RBMS3: variants seen among roughly 807,000 people sequenced by gnomAD.
RBMS3 encodes the protein RNA-binding motif, single-stranded-interacting protein 3.
RBMS3 carries 27 observed loss-of-function variants against 66.8 expected under a neutral mutation model. The observed-to-expected ratio is 0.40, with a 90% CI of 0.30 to 0.56. The LOEUF is 0.56. Among genes scored for constraint, RBMS3 ranks in the 20% least tolerant of loss-of-function variants. RBMS3 has a pLI of 0.40. For missense variants in RBMS3, 513 were observed against 549.5 expected (o/e 0.93, Z 0.66); for synonymous variants, 188 against 183.0 (o/e 1.03, Z -0.22).
intron 4 of RBMS3, among the ~76,000 whole-genome samples, chr3:29,733,322 G>C (rs748224322): frequency 6.6e-6 from 1 of 151,058 alleles, no homozygotes; most frequent in African/African-American, 2.4e-5. Flanking sequence ...AAAAGCTCTT[G>C]GAATAATCAT....
intron 1 of RBMS3, among the ~76,000 whole-genome samples, chr3:29,369,340 T>A (rs1420064494): frequency 1.3e-5 from 2 of 152,064 alleles, no homozygotes; most frequent in South Asian, 4.2e-4. Flanking sequence ...CAAATGTTTA[T>A]ATTAGGTTGG....
intron 3 of RBMS3, among the ~76,000 whole-genome samples, chr3:29,583,423 C>T (rs1001231224): frequency 2.0e-5 from 3 of 152,264 alleles, no homozygotes; most frequent in East Asian, 1.9e-4. Context: ...TTAATAGACA[C>T]TTTTATCAGT....
At chr3:29,459,184 A>G (rs1317951303) in intron 2 of RBMS3, among the ~76,000 whole-genome samples, 1 of 152,212 alleles carries the variant, frequency 6.6e-6, no homozygotes, top group African/African-American at 2.4e-5. Flanking sequence ...TGATAAACAT[A>G]CATCATATTT....
chr3:29,323,726 ACC>A (rs545150023), intron 1 of RBMS3, among the ~76,000 whole-genome samples: 1 of 140,604 alleles, frequency 7.1e-6, no homozygotes, highest in Non-Finnish European at 1.6e-5. Flanking sequence ...ACACACACAC[ACC>A]CCTTGGACTG....
intron 1 of RBMS3, among the ~76,000 whole-genome samples, chr3:29,324,080 C>T (rs2035176599): frequency 6.6e-6 from 1 of 151,040 alleles, no homozygotes; most frequent in Non-Finnish European, 1.5e-5. Context: ...ATTTTTAACT[C>T]TGGACTTTAT....
intron 6 of RBMS3, among the ~76,000 whole-genome samples, chr3:29,808,187 G>C (rs1221951417): frequency 6.6e-6 from 1 of 151,388 alleles, no homozygotes; most frequent in African/African-American, 2.4e-5. Flanking sequence ...ATTTTTTTTT[G>C]TTAGCTATGT....
chr3:29,499,271 T>G (rs1368232532), intron 3 of RBMS3, among the ~76,000 whole-genome samples: 2 of 147,320 alleles, frequency 1.4e-5, no homozygotes, highest in Non-Finnish European at 3.0e-5. Flanking sequence ...CTAGCCATTG[T>G]TCTTATTATT....
intron 3 of RBMS3, among the ~76,000 whole-genome samples, chr3:29,548,806 A>G (rs187857871): frequency 6.1e-4 from 93 of 152,200 alleles, no homozygotes; most frequent in Admixed American, 9.8e-4. Flanking sequence ...TTACCAAGCA[A>G]ACTCTTAACC....
At chr3:29,835,195 C>T (rs2058473130) in intron 6 of RBMS3, among the ~76,000 whole-genome samples, 1 of 151,960 alleles carries the variant, frequency 6.6e-6, no homozygotes. Flanking sequence ...TAGTAGGGAA[C>T]TTCAATACCC....
intron 12 of RBMS3, among the ~76,000 whole-genome samples, chr3:29,970,480 C>T (rs1353086429): frequency 6.6e-6 from 1 of 152,096 alleles, no homozygotes; most frequent in Admixed American, 6.6e-5. Context: ...ACACGCCTCT[C>T]TTAATGTTCA....
chr3:29,579,871 T>C (rs2047263720), intron 3 of RBMS3, among the ~76,000 whole-genome samples: 1 of 152,156 alleles, frequency 6.6e-6, no homozygotes, highest in African/African-American at 2.4e-5. Context: ...GTTTCTTTAA[T>C]CTCGATAAAG....
At chr3:29,588,931 C>G (rs1158932524) in intron 4 of RBMS3, among the ~76,000 whole-genome samples, 1 of 151,906 alleles carries the variant, frequency 6.6e-6, no homozygotes, top group Non-Finnish European at 1.5e-5. Flanking sequence ...AAATGCTTAA[C>G]GAAAAAGTTG....
intron 4 of RBMS3, among the ~76,000 whole-genome samples, chr3:29,593,188 T>C (rs573777705): frequency 1.3e-5 from 2 of 152,250 alleles, no homozygotes; most frequent in African/African-American, 2.4e-5. Context: ...GTGTATTCAA[T>C]AGAATATTCT....
rs113520605 is a variant in RBMS3 at position 29,636,000 on chromosome 3, A to C, written c.399+48795A>C. ...CTGTAGCTGCAAGGGATCCTGGGAA[A>C]TGCAAATATTTAGAAGGGTCTGATG... On this transcript the variant is annotated intron_variant, in intron 4 of 14. Transcript: ENST00000383767. Among the ~76,000 whole-genome samples, 1,117 of 151,618 alleles carry C rather than the reference A, an allele frequency of 7.4e-3. 16 individuals are homozygous for C. The highest frequency in any genetic ancestry group is 0.025 in the African/African-American group (1,023 of 41,402).
chr3:29,798,180 T>G lies in RBMS3; in HGVS notation c.637+35191T>G, dbSNP rs989192907. Among the ~76,000 whole-genome samples the G allele has an allele frequency of 3.5e-5, 5 of 144,460 alleles. No homozygotes were observed. In the Admixed American group the frequency reaches 3.5e-4, roughly 10 times the overall value. The allele number at this position is 144,460 out of a possible 152,430, so 94.8% of individuals were successfully genotyped here. A position where few individuals can be genotyped will look rare whatever the true frequency, so the allele number is the denominator to read the frequency against. On this transcript the variant is annotated intron_variant, in intron 6 of 14. Coordinates refer to ENST00000383767, the MANE Select transcript of RBMS3 (RefSeq NM_001003793.3). ...ATAGATCATAGATTACCATCACAGATAAAATAATAATAAAGCTTGAAATAT... is the reference window on the plus strand; with the variant it reads ...ATAGATCATAGATTACCATCACAGAGAAAATAATAATAAAGCTTGAAATAT...
At chr3:29,585,415 T>G (rs2047483565) in intron 3 of RBMS3, among the ~76,000 whole-genome samples, 1 of 152,156 alleles carries the variant, frequency 6.6e-6, no homozygotes, top group African/African-American at 2.4e-5. Context: ...AAGCAATTCA[T>G]GGTATGGTGT....
chr3:29,516,437 T>G (rs957874563), intron 3 of RBMS3, among the ~76,000 whole-genome samples: 5 of 151,808 alleles, frequency 3.3e-5, no homozygotes, highest in Non-Finnish European at 5.9e-5. Context: ...GAGAGGAAGT[T>G]TTTTTTTGTT....
intron 12 of RBMS3, among the ~76,000 whole-genome samples, chr3:29,945,439 G>A (rs1695242424): frequency 6.6e-6 from 1 of 151,578 alleles, no homozygotes; most frequent in African/African-American, 2.4e-5. Context: ...AGTCATTTCG[G>A]TCCTCTTTAA....
intron 4 of RBMS3, among the ~76,000 whole-genome samples, chr3:29,675,901 T>C (rs1161666528): frequency 6.6e-6 from 1 of 152,188 alleles, no homozygotes; most frequent in African/African-American, 2.4e-5. Flanking sequence ...GAAATACCAT[T>C]TGACCCAGTG....
Sources: gnomAD v4.1 joint callset for allele counts (sites outside exome capture counted in the v4.1 genomes callset) on GRCh38, gnomAD v4.1.1 for gene constraint, MANE v1.5 for transcripts, NCBI Gene and HGNC (gene_info 2026-07-23, HGNC 2026-07-21) for gene names.